The following MTOR variants were observed in gnomAD, a reference collection of about 807,000 sequenced individuals.
MTOR encodes mechanistic target of rapamycin kinase, also known as serine/threonine-protein kinase mTOR.
In MTOR, 70 loss-of-function variants were observed where a neutral mutation model predicts 319.8. That is an observed-to-expected ratio of 0.22 (90% CI 0.18 to 0.27). MTOR has a LOEUF of 0.27. Among genes scored for constraint, MTOR ranks in the 10% least tolerant of loss-of-function variants. MTOR has a pLI of 1.00. For missense variants in MTOR, 1,890 were observed against 3,274.4 expected (o/e 0.58, Z 10.32); for synonymous variants, 1,183 against 1,211.4 (o/e 0.98, Z 0.49).
intron 28 of MTOR, among the ~76,000 whole-genome samples, chr1:11,178,007 T>C (rs2100655018): frequency 6.6e-6 from 1 of 152,316 alleles, no homozygotes; most frequent in South Asian, 2.1e-4. Context: ...ACAGGTATTT[T>C]CCACTCCATT....
chr1:11,127,897 A>G lies in MTOR; in HGVS notation c.6034-91T>C. 1 of 1,577,730 alleles carries G rather than the reference A, an allele frequency of 6.3e-7. No homozygotes were observed. Among genetic ancestry groups the G allele is most frequent in the Non-Finnish European group, 8.6e-7 (1 of 1,162,686 alleles). On this transcript the variant is annotated intron_variant, in intron 43 of 57. Transcript: ENST00000361445. The surrounding 1 kb of genome is among the most constrained non-coding windows in gnomAD (Gnocchi z 5.5). Reference sequence around the variant, plus strand: ...AGACACAGGAGGTACTATTTCCAGCAGTCAGAGGAAGTGCACAGCACCAAT... The same window carrying G: ...AGACACAGGAGGTACTATTTCCAGCGGTCAGAGGAAGTGCACAGCACCAAT...
At chr1:11,180,834 C>T (rs112443200) in intron 28 of MTOR, among the ~76,000 whole-genome samples, 1,541 of 149,684 alleles carry the variant, frequency 0.01, 18 homozygotes, top group African/African-American at 0.035. Context: ...TGGAGTGCAG[C>T]GGTGCGATCT....
intron 6 of MTOR, among the ~76,000 whole-genome samples, chr1:11,249,899 C>G (rs1316720088): frequency 6.6e-6 from 1 of 151,394 alleles, no homozygotes; most frequent in Non-Finnish European, 1.5e-5. Context: ...AAAACCGCCA[C>G]TGTCATCATG....
intron 25 of MTOR, among the ~76,000 whole-genome samples, chr1:11,208,380 G>A (rs538870843): frequency 9.2e-5 from 14 of 152,368 alleles, no homozygotes; most frequent in African/African-American, 2.9e-4. Flanking sequence ...CCAGTGCTCC[G>A]CAAAGCTGGG....
intron 29 of MTOR, 117 bp from the exon 30 acceptor site, chr1:11,157,408 A>C: frequency 7.9e-6 from 10 of 1,268,624 alleles, no homozygotes; most frequent in Non-Finnish European, 1.1e-5. Flanking sequence ...CACCTATCAC[A>C]GTTACGTCTG....
At chr1:11,123,037 C>T (rs1255690393) in intron 47 of MTOR, among the ~76,000 whole-genome samples, 1 of 151,962 alleles carries the variant, frequency 6.6e-6, no homozygotes, top group African/African-American at 2.4e-5. Context: ...AGAGGAGTGC[C>T]AGAATACGGA....
intron 6 of MTOR, 39 bp downstream of exon 6, chr1:11,253,800 C>A (rs202112330): frequency 6.2e-7 from 1 of 1,612,774 alleles, no homozygotes; most frequent in Admixed American, 1.7e-5. Flanking sequence ...CAGAATGGTA[C>A]ACGGGGAGCC....
Position 11,178,429 on chromosome 1 carries a change from A to G in MTOR, c.4254-10912T>C, listed in dbSNP as rs557501919. ...CTGTCAGAGGCGTGTTGTAAAAATG[A>G]TGAATGGCTGTCACATTTCCAAGGC... On this transcript the variant is annotated intron_variant, in intron 28 of 57. Coordinates refer to ENST00000361445, the MANE Select transcript of MTOR (RefSeq NM_004958.4). Among the ~76,000 whole-genome samples the G allele has an allele frequency of 1.6e-3, 248 of 152,328 alleles. 2 individuals are homozygous for G. Among genetic ancestry groups the G allele is most frequent in the African/African-American group, 5.5e-3 (229 of 41,566 alleles).
At chr1:11,243,381 A>T in intron 8 of MTOR, 81 bp from the exon 9 acceptor site, 1 of 1,323,800 alleles carries the variant, frequency 7.6e-7, no homozygotes, top group East Asian at 2.3e-5. Context: ...CCTATAAAGC[A>T]ATTCAGTTTA....
rs764486955 is a variant in MTOR, at chr1:11,240,513, G to A, written c.1576C>T (p.Arg526Cys). The change falls in exon 11 of 58, where the codon CGT (arginine) becomes TGT (cysteine). Residue 526 changes from arginine to cysteine, a missense_variant. Physicochemically the swap from Arg to Cys is radical, Grantham distance 180 (BLOSUM62 -3). Transcript: ENST00000361445. The part of the protein sequence containing the change: ...ALTAVLYDLS[R>C]QIPQLKKDIQ... ...TCCTTCTTTAGCTGTGGAATCTGAC[G>A]GCTCAGGTCGTAGAGCACTGCAGTG... The A allele has an allele frequency of 5.6e-6, 9 of 1,614,046 alleles. No individual in the cohort carries two copies. The highest frequency in any genetic ancestry group is 4.2e-6 in the Non-Finnish European group (5 of 1,180,046).
At chr1:11,136,623 C>G (rs111729008) in intron 36 of MTOR, among the ~76,000 whole-genome samples, 4,534 of 152,158 alleles carry the variant, frequency 0.03, 176 homozygotes, top group Admixed American at 0.071. Context: ...CCTCAGCCTC[C>G]CAGTAGCTGA....
Position 11,257,101 on chromosome 1 carries a change from C to A in MTOR, c.336G>T (p.Arg112=). 6.2e-7 allele frequency: 1 copy of A among 1,614,124 alleles called. No homozygotes were observed. Residue 112 remains arginine, a synonymous_variant, in exon 4 of 58, where the codon CGG becomes CGT. Coordinates refer to ENST00000361445, the MANE Select transcript of MTOR (RefSeq NM_004958.4). ...CTGGGTCATTGGAGGGGAGGAGGTT[C>A]CGAAGATAGTTGGCAAATCTGCCAA... The part of the protein sequence containing the change: ...TRIGRFANYL[R]NLLPSNDPVV...
rs751943140 is a variant in MTOR, at chr1:11,126,600, A to C, written c.6526+22T>G. On this transcript the variant is annotated intron_variant, in intron 46 of 57. Coordinates refer to ENST00000361445, the MANE Select transcript of MTOR (RefSeq NM_004958.4). ...AGTGTAGGAGGGAGAAGTGGGTGAC[A>C]GAAGTGCACAATGGTCCTTACCCAT... 5 of 1,610,310 alleles carry C rather than the reference A, an allele frequency of 3.1e-6. No individual in the cohort carries two copies. The Admixed American group carries it at 6.7e-5, about 22-fold the overall frequency.
intron 19 of MTOR, among the ~76,000 whole-genome samples, chr1:11,219,243 C>T (rs540012967): frequency 1.3e-5 from 2 of 151,208 alleles, no homozygotes; most frequent in African/African-American, 4.9e-5. Context: ...AAGCCTCTCA[C>T]ATAAAGCCAG....
intron 25 of MTOR, 104 bp from the exon 26 acceptor site, chr1:11,204,807 C>T: frequency 7.6e-7 from 1 of 1,308,372 alleles, no homozygotes; most frequent in South Asian, 1.5e-5. Flanking sequence ...TTATAAAATC[C>T]ATCTTTCACG....
At chr1:11,254,802 T>C (rs1650151217) in intron 5 of MTOR, among the ~76,000 whole-genome samples, 1 of 151,790 alleles carries the variant, frequency 6.6e-6, no homozygotes, top group African/African-American at 2.4e-5. Flanking sequence ...TCTCACTCTG[T>C]TGTCAAGTCT....
chr1:11,184,365 C>A (rs1269190037), intron 28 of MTOR, among the ~76,000 whole-genome samples: 1 of 152,090 alleles, frequency 6.6e-6, no homozygotes, highest in Non-Finnish European at 1.5e-5. Context: ...CAAATGACCC[C>A]GTCAGGGTAT....
At chr1:11,215,268 C>T (rs1317621326) in intron 20 of MTOR, among the ~76,000 whole-genome samples, 3 of 152,200 alleles carry the variant, frequency 2.0e-5, no homozygotes, top group African/African-American at 2.4e-5. Context: ...AGCCATCGGC[C>T]TCTTTAGCAT....
chr1:11,235,850 C>T (rs1030642597), intron 13 of MTOR, among the ~76,000 whole-genome samples: 3 of 151,974 alleles, frequency 2.0e-5, no homozygotes, highest in South Asian at 4.2e-4. Flanking sequence ...GGCGTGGTGG[C>T]GGGCGCCTGT....
Sources: allele counts gnomAD v4.1 joint callset (sites outside exome capture counted in the v4.1 genomes callset), GRCh38; gene constraint gnomAD v4.1.1; non-coding constraint Gnocchi (gnomAD v3.1); transcripts MANE v1.5; gene names NCBI Gene and HGNC (gene_info 2026-07-23, HGNC 2026-07-21).